Variants in SUMF1 observed in about 807,000 individuals in gnomAD.
SUMF1 encodes formylglycine-generating enzyme.
Under a neutral mutation model 47.6 loss-of-function variants are expected in SUMF1, and 48 were observed. The ratio of observed to expected loss-of-function variants is 1.01; its 90% CI spans 0.80 to 1.28. The LOEUF (loss-of-function observed/expected upper bound fraction) is 1.28. Among genes scored for constraint, SUMF1 ranks in the 50% most tolerant of loss-of-function variants. The pLI is 0.00. For missense variants in SUMF1, 571 were observed against 485.4 expected, an observed-to-expected ratio of 1.18 and a Z score of -1.66; for synonymous variants, 230 against 192.1, an observed-to-expected ratio of 1.20 and a Z score of -1.63.
intron 8 of SUMF1, among the ~76,000 whole-genome samples, chr3:4,157,820 C>T (rs1347869965): frequency 6.6e-6 from 1 of 151,520 alleles, no homozygotes; most frequent in African/African-American, 2.4e-5. Context: ...GTAGAAGTGA[C>T]TACTTCTACC....
At chr3:4,255,539 G>T (rs1696930140) in intron 8 of SUMF1, among the ~76,000 whole-genome samples, 1 of 78,564 alleles carries the variant, frequency 1.3e-5, no homozygotes, top group African/African-American at 6.2e-5. Context: ...TAATGGTAAA[G>T]GGATCAATTC....
chr3:4,424,757 C>A lies in SUMF1; in HGVS notation c.520-4611G>T, dbSNP rs188582141. On this transcript the variant is annotated intron_variant, in intron 3 of 8. Coordinates refer to ENST00000272902, the MANE Select transcript of SUMF1 (RefSeq NM_182760.4). ...TGATTCCGTTTCTATAAAATGTATG[C>A]ATAACAATGTTTGTTAGTATCATCA... Among the ~76,000 whole-genome samples, 23 of 152,158 alleles carry A rather than the reference C, an allele frequency of 1.5e-4. No individual in the cohort carries two copies. The East Asian group carries it at 4.2e-3, about 28-fold the overall frequency.
rs367808488 is a variant in SUMF1, at chr3:4,249,718, T to C, written c.1014+126612A>G. On this transcript the variant is annotated intron_variant and NMD_transcript_variant, in intron 8 of 12. Transcript: ENST00000448413. ...GTAAAAACACGTCTCTCACTTTAAA[T>C]CAAGAGAGTTAGAAATTATGAATCT... 1.4e-4 allele frequency among the ~76,000 whole-genome samples: 22 copies of C among 152,286 alleles called. No homozygotes were observed. In the East Asian group the frequency reaches 1.9e-3, roughly 13 times the overall value.
intron 8 of SUMF1, among the ~76,000 whole-genome samples, chr3:4,155,343 C>G (rs542894815): frequency 7.9e-5 from 12 of 151,534 alleles, no homozygotes; most frequent in South Asian, 2.1e-4. Flanking sequence ...CTTAATGAGT[C>G]CTAATGAGGG....
intron 8 of SUMF1, among the ~76,000 whole-genome samples, chr3:4,255,779 C>T (rs1343570595): frequency 8.7e-6 from 1 of 114,390 alleles, no homozygotes; most frequent in Non-Finnish European, 1.8e-5. Flanking sequence ...TAGACATCTA[C>T]AGAACTCTCC....
intron 8 of SUMF1, among the ~76,000 whole-genome samples, chr3:4,324,493 G>T (rs1317240539): frequency 6.6e-6 from 1 of 152,088 alleles, no homozygotes; most frequent in African/African-American, 2.4e-5. Flanking sequence ...GCAGGAGAGG[G>T]GACAAAAAGA....
Position 4,226,372 on chromosome 3 carries a change from C to T in SUMF1, c.1014+149958G>A, listed in dbSNP as rs138545669. 6.1e-3 allele frequency among the ~76,000 whole-genome samples: 880 copies of T among 143,100 alleles called. 9 individuals carry two copies. Among genetic ancestry groups the T allele is most frequent in the African/African-American group, 0.022 (834 of 38,674 alleles). 93.9% of individuals were successfully genotyped at this position (143,100 alleles called of 152,430 possible). ...GCAACCTCTGCCTCCTGGGTTAAAA[C>T]GATTCTCCTGCCTCAGCCTCCTGAG... On this transcript the variant is annotated intron_variant and NMD_transcript_variant, in intron 8 of 12. Coordinates refer to the SUMF1 transcript ENST00000448413.
intron 8 of SUMF1, chr3:4,314,078 G>A: frequency 2.2e-6 from 1 of 458,862 alleles, no homozygotes; most frequent in African/African-American, 2.0e-5. Context: ...TGGCTGGAAT[G>A]TATACATGAT....
intron 8 of SUMF1, among the ~76,000 whole-genome samples, chr3:4,204,615 G>T (rs147883288): frequency 2.0e-4 from 31 of 152,054 alleles, no homozygotes; most frequent in Non-Finnish European, 4.0e-4. Flanking sequence ...GTAACTCTTA[G>T]ATTTGCCCTT....
chr3:4,140,815 C>G (rs1406492988), intron 8 of SUMF1, among the ~76,000 whole-genome samples: 1 of 151,918 alleles, frequency 6.6e-6, no homozygotes, highest in Non-Finnish European at 1.5e-5. Context: ...AGAGAAAACT[C>G]TAGCTGTAAA....
At chr3:4,150,987 G>C (rs1258860247) in intron 8 of SUMF1, among the ~76,000 whole-genome samples, 1 of 151,404 alleles carries the variant, frequency 6.6e-6, no homozygotes, top group Middle Eastern at 3.2e-3. Context: ...GAACACCAAG[G>C]GGACAAATGG....
intron 9 of SUMF1, among the ~76,000 whole-genome samples, chr3:4,060,651 T>C (rs534193857): frequency 2.6e-5 from 4 of 152,300 alleles, no homozygotes; most frequent in East Asian, 1.9e-4. Context: ...AGTAGACTTA[T>C]GTCAATCCAG....
At chr3:4,186,452 C>T (rs1270301290) in intron 8 of SUMF1, among the ~76,000 whole-genome samples, 2 of 152,050 alleles carry the variant, frequency 1.3e-5, no homozygotes, top group African/African-American at 2.4e-5. Context: ...TTTAACCCTA[C>T]ACAAATTCAA....
At chr3:4,210,089 T>A (rs1230900022) in intron 8 of SUMF1, among the ~76,000 whole-genome samples, 1 of 152,008 alleles carries the variant, frequency 6.6e-6, no homozygotes, top group Non-Finnish European at 1.5e-5. Context: ...GAGACAAGGT[T>A]TCACCATGTT....
intron 8 of SUMF1, among the ~76,000 whole-genome samples, chr3:4,179,091 A>G (rs993214790): frequency 1.3e-5 from 2 of 152,190 alleles, no homozygotes; most frequent in Non-Finnish European, 2.9e-5. Flanking sequence ...AGGAAGAATC[A>G]ATATCATGAA....
chr3:4,240,830 T>G (rs1696520381), intron 8 of SUMF1, among the ~76,000 whole-genome samples: 1 of 151,932 alleles, frequency 6.6e-6, no homozygotes, highest in South Asian at 2.1e-4. Context: ...TTATATAATA[T>G]GTATTCATTT....
chr3:4,270,154 A>G (rs1158593082), intron 8 of SUMF1, among the ~76,000 whole-genome samples: 3 of 152,120 alleles, frequency 2.0e-5, no homozygotes, highest in Non-Finnish European at 2.9e-5. Flanking sequence ...CCGGACTATC[A>G]GGGAAACTAA....
chr3:4,085,589 T>A (rs1211407311), intron 8 of SUMF1, among the ~76,000 whole-genome samples: 1 of 152,134 alleles, frequency 6.6e-6, no homozygotes, highest in African/African-American at 2.4e-5. Flanking sequence ...TCTTAAAGTA[T>A]TGAGAAACAT....
intron 8 of SUMF1, among the ~76,000 whole-genome samples, chr3:4,187,748 T>G (rs1695232105): frequency 6.6e-6 from 1 of 152,194 alleles, no homozygotes; most frequent in African/African-American, 2.4e-5. Context: ...CAATAATAAT[T>G]GAAACCTATT....
Sources: allele counts gnomAD v4.1 joint callset (sites outside exome capture counted in the v4.1 genomes callset), GRCh38; gene constraint gnomAD v4.1.1; transcripts MANE v1.5; gene names NCBI Gene and HGNC (gene_info 2026-07-23, HGNC 2026-07-21).